TMC1: variants seen among roughly 807,000 people sequenced by gnomAD.
The protein encoded by TMC1 is transmembrane channel-like protein 1.
In TMC1, 84 loss-of-function variants were observed where a neutral mutation model predicts 105.8. The ratio of observed to expected loss-of-function variants is 0.79; its 90% CI spans 0.67 to 0.95. The LOEUF (loss-of-function observed/expected upper bound fraction) is 0.95, where lower values mean the gene tolerates loss of function less well. TMC1 is among the 40% of genes least tolerant of loss of function. The pLI is 0.00. For synonymous variants in TMC1, 315 were observed against 311.5 expected (o/e 1.01, Z -0.12); for missense variants, 817 against 914.1 (o/e 0.89, Z 1.37).
intron 12 of TMC1, among the ~76,000 whole-genome samples, chr9:72,768,740 C>T (rs1246782897): frequency 6.6e-6 from 1 of 152,082 alleles, no homozygotes; most frequent in African/African-American, 2.4e-5. Flanking sequence ...GCTGGCTGCC[C>T]CCAGTAGCTA....
At chr9:72,763,085 C>CTTT (rs148498655) in intron 12 of TMC1, among the ~76,000 whole-genome samples, 2 of 109,482 alleles carry the variant, frequency 1.8e-5, no homozygotes, top group Non-Finnish European at 3.7e-5. Flanking sequence ...CTAGCGATGC[C>CTTT]TTTTTTTTTT....
chr9:72,801,554 G>A (rs957973133), intron 17 of TMC1, among the ~76,000 whole-genome samples: 3 of 152,198 alleles, frequency 2.0e-5, no homozygotes, highest in Admixed American at 6.5e-5. Context: ...TGCCTGCAAT[G>A]TCTATATTTG....
At chr9:72,674,678 T>C (rs920017764) in intron 5 of TMC1, among the ~76,000 whole-genome samples, 2 of 152,240 alleles carry the variant, frequency 1.3e-5, no homozygotes, top group Non-Finnish European at 2.9e-5. Flanking sequence ...CTCCAGGTGA[T>C]AATGATGTCC....
intron 12 of TMC1, among the ~76,000 whole-genome samples, chr9:72,768,924 C>T (rs1827881013): frequency 6.6e-6 from 1 of 152,280 alleles, no homozygotes; most frequent in Middle Eastern, 3.4e-3. Context: ...GGGGTTCTTT[C>T]CAAGAGGCCC....
At chr9:72,668,957 T>A (rs1826085233) in intron 5 of TMC1, among the ~76,000 whole-genome samples, 1 of 152,182 alleles carries the variant, frequency 6.6e-6, no homozygotes, top group African/African-American at 2.4e-5. Context: ...TCAGTTTTTG[T>A]CTCCCTACAA....
intron 8 of TMC1, among the ~76,000 whole-genome samples, chr9:72,704,192 C>G (rs546750601): frequency 1.3e-5 from 2 of 152,214 alleles, no homozygotes; most frequent in Admixed American, 6.5e-5. Flanking sequence ...CCCAAATTAG[C>G]CTGCATCATC....
At chr9:72,834,615 C>T (rs1366737787) in intron 23 of TMC1, among the ~76,000 whole-genome samples, 1 of 152,146 alleles carries the variant, frequency 6.6e-6, no homozygotes, top group African/African-American at 2.4e-5. Context: ...AAAAACAACA[C>T]GGGTGGGGCT....
At chr9:72,578,392 C>T (rs1422057100) in intron 2 of TMC1, 1 of 152,020 alleles carries the variant, frequency 6.6e-6, no homozygotes, top group East Asian at 1.9e-4. Flanking sequence ...ACTAACTGCA[C>T]CAATGATGAA....
At chr9:72,799,477 A>G (rs1364958089) in intron 17 of TMC1, among the ~76,000 whole-genome samples, 3 of 152,130 alleles carry the variant, frequency 2.0e-5, no homozygotes, top group Non-Finnish European at 4.4e-5. Flanking sequence ...AAAAAATAAG[A>G]TAAATGTGTA....
intron 18 of TMC1, 80 bp from the exon 19 acceptor site, chr9:72,816,063 G>C: frequency 8.1e-7 from 1 of 1,241,210 alleles, no homozygotes; most frequent in South Asian, 1.2e-5. Flanking sequence ...TGAAACCCTA[G>C]CCATGCCTAT....
chr9:72,819,402 G>A (rs1828835735), intron 19 of TMC1, among the ~76,000 whole-genome samples: 1 of 152,176 alleles, frequency 6.6e-6, no homozygotes, highest in Non-Finnish European at 1.5e-5. Context: ...TAACCCATTA[G>A]CTGGGACTAT....
chr9:72,731,100 G>A (rs1263057374), intron 8 of TMC1, among the ~76,000 whole-genome samples: 1 of 152,228 alleles, frequency 6.6e-6, no homozygotes. Flanking sequence ...TATGCCAGGT[G>A]CTAAACCCAT....
At chr9:72,557,536 A>G (rs1823963753) in intron 1 of TMC1, among the ~76,000 whole-genome samples, 1 of 152,234 alleles carries the variant, frequency 6.6e-6, no homozygotes, top group South Asian at 2.1e-4. Flanking sequence ...AATGACAACA[A>G]CTGTTAAAAA....
intron 1 of TMC1, among the ~76,000 whole-genome samples, chr9:72,575,242 G>A (rs371873698): frequency 2.6e-5 from 4 of 152,008 alleles, no homozygotes; most frequent in Admixed American, 6.6e-5. Flanking sequence ...AGTGCAATGC[G>A]TGATCTCGGC....
intron 13 of TMC1, among the ~76,000 whole-genome samples, chr9:72,783,585 G>A (rs990094110): frequency 4.6e-5 from 7 of 152,110 alleles, no homozygotes; most frequent in African/African-American, 1.4e-4. Context: ...TGACTCAACT[G>A]TCAGTCTCCT....
At chr9:72,806,620 A>T (rs2118246101) in intron 18 of TMC1, among the ~76,000 whole-genome samples, 1 of 149,272 alleles carries the variant, frequency 6.7e-6, no homozygotes, top group African/African-American at 2.5e-5. Context: ...CACCTCCCAG[A>T]CGGGGTCGCA....
chr9:72,612,294 T>C (rs1192011423), intron 2 of TMC1, among the ~76,000 whole-genome samples: 1 of 152,128 alleles, frequency 6.6e-6, no homozygotes, highest in African/African-American at 2.4e-5. Flanking sequence ...CCTCAGCCTC[T>C]TGAGTAGCTG....
chr9:72,751,767 T>A, intron 10 of TMC1, 83 bp from the exon 11 acceptor site: 1 of 878,470 alleles, frequency 1.1e-6, no homozygotes, highest in South Asian at 1.4e-5. Flanking sequence ...ATGGATTCAT[T>A]TTGAAGGCAA....
intron 5 of TMC1, among the ~76,000 whole-genome samples, chr9:72,657,406 G>T (rs1160301612): frequency 2.0e-5 from 3 of 152,296 alleles, no homozygotes; most frequent in Admixed American, 2.0e-4. Flanking sequence ...GAAGGTAAAT[G>T]CATTCCTAGT....
Sources: gnomAD v4.1 joint callset for allele counts (sites outside exome capture counted in the v4.1 genomes callset) on GRCh38, gnomAD v4.1.1 for gene constraint, MANE v1.5 for transcripts, NCBI Gene and HGNC (gene_info 2026-07-23, HGNC 2026-07-21) for gene names.